Variants in SLCO2B1 observed in about 807,000 individuals in gnomAD.
SLCO2B1 encodes solute carrier organic anion transporter family member 2B1, also known as OATP-RP2.
Under a neutral mutation model 67.3 loss-of-function variants are expected in SLCO2B1, and 41 were observed. That is an observed-to-expected ratio of 0.61 (90% CI 0.47 to 0.79). The LOEUF (loss-of-function observed/expected upper bound fraction) is 0.79, where lower values mean the gene tolerates loss of function less well. Ranked by LOEUF, SLCO2B1 falls within the 30% of genes least tolerant of loss-of-function variation. The probability of loss-of-function intolerance (pLI) is 0.00; values close to 1 mark genes in which losing one functional copy is unlikely to be tolerated. For synonymous variants in SLCO2B1, 379 were observed against 381.4 expected (o/e 0.99, Z 0.07); for missense variants, 837 against 920.1 (o/e 0.91, Z 1.17).
At position 75,205,089 on chromosome 11, in the gene SLCO2B1, C is replaced by G. The variant is rs1945250412; in HGVS notation, c.*509C>G. The G allele has an allele frequency of 6.5e-6, 1 of 152,712 alleles. No homozygotes were observed. Among genetic ancestry groups the G allele is most frequent in the Non-Finnish European group, 1.5e-5 (1 of 68,434 alleles). The allele number at this position is 152,712 out of a possible 1,614,324, so 9.5% of individuals were successfully genotyped here. ...GTACACTCAGCTCTCCTCCCCAACT[C>G]CAGCAGCCTTTAAGAAGTGTCCCTT... On this transcript the variant is annotated 3_prime_UTR_variant, in exon 14 of 14. Transcript: ENST00000289575.
At chr11:75,163,187 C>A (rs1038632107) in intron 2 of SLCO2B1, among the ~76,000 whole-genome samples, 1 of 152,170 alleles carries the variant, frequency 6.6e-6, no homozygotes, top group South Asian at 2.1e-4. Context: ...GTGCCAGGTG[C>A]CACTCACACG....
chr11:75,187,974 G>T (rs760835950), intron 7 of SLCO2B1, among the ~76,000 whole-genome samples, 162 bp from the exon 8 acceptor site: 8 of 152,138 alleles, frequency 5.3e-5, no homozygotes, highest in African/African-American at 9.7e-5. Flanking sequence ...GGTACCTATA[G>T]GGCCAAGAAC....
chr11:75,172,675 G>A (rs1179377060), intron 7 of SLCO2B1, 106 bp downstream of exon 7: 9 of 1,045,988 alleles, frequency 8.6e-6, no homozygotes, highest in Non-Finnish European at 1.3e-5. Flanking sequence ...CACATCTGTA[G>A]TTCCAGCACT....
intron 1 of SLCO2B1, among the ~76,000 whole-genome samples, chr11:75,152,078 G>A (rs540918324): frequency 6.6e-6 from 1 of 152,332 alleles, no homozygotes; most frequent in African/African-American, 2.4e-5. Context: ...ACTATAGAGT[G>A]GGGAGGAGGC....
chr11:75,155,525 T>C (rs933679490), intron 1 of SLCO2B1, among the ~76,000 whole-genome samples: 1 of 152,164 alleles, frequency 6.6e-6, no homozygotes, highest in African/African-American at 2.4e-5. Flanking sequence ...TGGCACAATC[T>C]CGGCTCACTG....
chr11:75,151,555 T>C (rs1226568513), intron 1 of SLCO2B1, among the ~76,000 whole-genome samples, 158 bp downstream of exon 1: 1 of 152,000 alleles, frequency 6.6e-6, no homozygotes, highest in African/African-American at 2.4e-5. Flanking sequence ...TGAAGGTGTG[T>C]TAAATGAATG....
At chr11:75,183,428 G>C (rs777068088) in intron 7 of SLCO2B1, among the ~76,000 whole-genome samples, 1 of 152,160 alleles carries the variant, frequency 6.6e-6, no homozygotes, top group Non-Finnish European at 1.5e-5. Flanking sequence ...ATAAGACATG[G>C]TAGGATTTCA....
chr11:75,187,971 A>G (rs984150915), intron 7 of SLCO2B1, among the ~76,000 whole-genome samples, 165 bp from the exon 8 acceptor site: 2 of 152,192 alleles, frequency 1.3e-5, no homozygotes, highest in Non-Finnish European at 2.9e-5. Flanking sequence ...TTGGGTACCT[A>G]TAGGGCCAAG....
intron 7 of SLCO2B1, among the ~76,000 whole-genome samples, chr11:75,177,043 G>A (rs575442007): frequency 2.0e-5 from 3 of 152,234 alleles, no homozygotes; most frequent in South Asian, 2.1e-4. Flanking sequence ...TAACATCGAC[G>A]AGGCTTGAGG....
chr11:75,194,165 T>C (rs1485251647), intron 9 of SLCO2B1, among the ~76,000 whole-genome samples: 3 of 152,350 alleles, frequency 2.0e-5, no homozygotes, highest in Admixed American at 6.5e-5. Context: ...CAGAATTCTT[T>C]TTCCACATCT....
intron 3 of SLCO2B1, 53 bp from the exon 4 acceptor site, chr11:75,165,733 GC>G: frequency 6.4e-7 from 1 of 1,574,492 alleles, no homozygotes. Flanking sequence ...GATAGTGCAG[GC>G]CCCCAGCCCT....
Position 75,196,511 on chromosome 11 carries a change from C to T in SLCO2B1, c.1434-3C>T. ...CAACCCTACTGGTCTTCTCTCCCAC[C>T]AGTGCCCACCCTGGGCTGGAGCTGT... On this transcript the variant is annotated splice_region_variant and splice_polypyrimidine_tract_variant and intron_variant, in intron 9 of 13. Transcript: ENST00000289575. 1 of 1,612,610 alleles carries T rather than the reference C, an allele frequency of 6.2e-7. No individual in the cohort carries two copies. Among genetic ancestry groups the T allele is most frequent in the Non-Finnish European group, 8.5e-7 (1 of 1,179,314 alleles).
intron 11 of SLCO2B1, chr11:75,201,688 G>A (rs949187959): frequency 6.6e-6 from 1 of 152,152 alleles, no homozygotes; most frequent in Non-Finnish European, 1.5e-5. Context: ...AATGTTTATC[G>A]GTTTATTATA....
At chr11:75,175,967 C>A (rs544674779) in intron 7 of SLCO2B1, among the ~76,000 whole-genome samples, 2 of 152,252 alleles carry the variant, frequency 1.3e-5, no homozygotes, top group African/African-American at 4.8e-5. Context: ...GCCCTACTTT[C>A]TTGCCTTTGG....
chr11:75,189,216 T>C (rs993587126), intron 8 of SLCO2B1, among the ~76,000 whole-genome samples: 12 of 151,998 alleles, frequency 7.9e-5, no homozygotes, highest in African/African-American at 1.2e-4. Flanking sequence ...GGAGCATTGA[T>C]TGAGTGCCTG....
At chr11:75,183,507 A>AG (rs769962780) in intron 7 of SLCO2B1, among the ~76,000 whole-genome samples, 3 of 152,168 alleles carry the variant, frequency 2.0e-5, no homozygotes, top group Non-Finnish European at 4.4e-5. Flanking sequence ...TGTCTGACTC[A>AG]GGGGGCTAGT....
At chr11:75,187,585 G>C (rs1255741267) in intron 7 of SLCO2B1, among the ~76,000 whole-genome samples, 3 of 152,184 alleles carry the variant, frequency 2.0e-5, no homozygotes, top group Non-Finnish European at 4.4e-5. Flanking sequence ...GATGATGTTA[G>C]AGACAGTGAT....
chr11:75,168,611 C>T (rs1262742432), intron 4 of SLCO2B1, among the ~76,000 whole-genome samples: 1 of 152,222 alleles, frequency 6.6e-6, no homozygotes, highest in Non-Finnish European at 1.5e-5. Context: ...CCCCAGGGCC[C>T]TCCACAATCC....
chr11:75,164,824 G>A (rs1337959080), intron 3 of SLCO2B1, among the ~76,000 whole-genome samples: 1 of 152,178 alleles, frequency 6.6e-6, no homozygotes, highest in African/African-American at 2.4e-5. Context: ...ATAGGTGGGA[G>A]GGGAAAGTCC....
Sources: allele counts gnomAD v4.1 joint callset (sites outside exome capture counted in the v4.1 genomes callset), GRCh38; gene constraint gnomAD v4.1.1; transcripts MANE v1.5; gene names NCBI Gene and HGNC (gene_info 2026-07-23, HGNC 2026-07-21).